The following RHOBTB1 variants were observed in gnomAD, a reference collection of about 807,000 sequenced individuals.
RHOBTB1 encodes the protein rho-related BTB domain-containing protein 1.
A neutral mutation model predicts 71.6 loss-of-function variants in RHOBTB1; 40 were observed. The ratio of observed to expected loss-of-function variants is 0.56; its 90% CI spans 0.43 to 0.73. The LOEUF (loss-of-function observed/expected upper bound fraction) is 0.73. RHOBTB1 is among the 30% of genes least tolerant of loss of function. The pLI is 0.00. For synonymous variants in RHOBTB1, 319 were observed against 334.9 expected, an observed-to-expected ratio of 0.95 and a Z score of 0.52; for missense variants, 797 against 894.0, an observed-to-expected ratio of 0.89 and a Z score of 1.38.
intron 2 of RHOBTB1, among the ~76,000 whole-genome samples, chr10:60,969,716 AC>A (rs910599604): frequency 2.6e-5 from 4 of 152,066 alleles, no homozygotes; most frequent in African/African-American, 9.7e-5. Flanking sequence ...ATCATCTATG[AC>A]CTTTGAAGTC....
chr10:60,987,846 CT>C (rs1565199375), intron 1 of RHOBTB1, among the ~76,000 whole-genome samples: 1 of 151,742 alleles, frequency 6.6e-6, no homozygotes, highest in East Asian at 1.9e-4. Flanking sequence ...TCTCCACCCC[CT>C]AACCCCTGAC....
At chr10:60,901,233 C>T (rs530873725) in intron 4 of RHOBTB1, among the ~76,000 whole-genome samples, 8 of 152,292 alleles carry the variant, frequency 5.3e-5, no homozygotes, top group Admixed American at 2.6e-4. Context: ...TCTCTCTAGG[C>T]TGAGGGCAGA....
At chr10:60,879,886 T>C (rs1013760150) in intron 7 of RHOBTB1, among the ~76,000 whole-genome samples, 6 of 152,062 alleles carry the variant, frequency 3.9e-5, no homozygotes, top group African/African-American at 1.4e-4. Context: ...TTCAACCAAC[T>C]GTAGATCAAA....
At chr10:60,946,629 T>G (rs1379634878), upstream of RHOBTB1, among the ~76,000 whole-genome samples, 1 of 152,242 alleles carries the variant, frequency 6.6e-6, no homozygotes, top group African/African-American at 2.4e-5. Flanking sequence ...GACCTGCTTT[T>G]TAACAGCCTG....
upstream of RHOBTB1, among the ~76,000 whole-genome samples, chr10:60,947,516 TAG>T (rs1331438069): frequency 6.6e-6 from 1 of 152,198 alleles, no homozygotes; most frequent in Non-Finnish European, 1.5e-5. Flanking sequence ...TCTCCATCTC[TAG>T]AGTTTTTTTA....
chr10:60,955,044 T>TTTTC (rs1554853417), intron 2 of RHOBTB1, among the ~76,000 whole-genome samples: 4 of 34,944 alleles, frequency 1.1e-4, no homozygotes, highest in Middle Eastern at 0.014. Flanking sequence ...TCTTTCTTTC[T>TTTTC]TTTTTTTTTT....
intron 10 of RHOBTB1, 89 bp from the exon 11 acceptor site, chr10:60,871,740 C>G: frequency 2.3e-6 from 3 of 1,279,122 alleles, no homozygotes; most frequent in Non-Finnish European, 2.2e-6. Flanking sequence ...TCTCAAATAT[C>G]CTCTCAAAAA....
intron 2 of RHOBTB1, among the ~76,000 whole-genome samples, chr10:60,931,271 C>A (rs767864173): frequency 1.3e-5 from 2 of 152,142 alleles, no homozygotes; most frequent in Non-Finnish European, 2.9e-5. Context: ...ACCATTCCTG[C>A]GATCTAATTC....
At chr10:60,947,010 C>T (rs377470699), upstream of RHOBTB1, among the ~76,000 whole-genome samples, 18 of 152,150 alleles carry the variant, frequency 1.2e-4, no homozygotes, top group South Asian at 2.1e-4. Flanking sequence ...CAGAGAAAGA[C>T]GTTGCCACAT....
At chr10:60,937,115 G>A (rs1324575661) in intron 2 of RHOBTB1, among the ~76,000 whole-genome samples, 3 of 152,170 alleles carry the variant, frequency 2.0e-5, no homozygotes, top group Non-Finnish European at 2.9e-5. Context: ...GCTTTCTTCC[G>A]CGTATGTGAT....
At chr10:60,861,379 A>C in the RHOBTB1 span, among the ~76,000 whole-genome samples, 4 of 152,178 alleles carry the variant, frequency 2.6e-5, no homozygotes, top group Admixed American at 6.5e-5. Flanking sequence ...TGGGAAGGGG[A>C]AACTGACAGC....
At chr10:60,899,065 A>G (rs532036558) in intron 4 of RHOBTB1, among the ~76,000 whole-genome samples, 88 of 152,352 alleles carry the variant, frequency 5.8e-4, no homozygotes, top group Middle Eastern at 6.8e-3. Flanking sequence ...GTTGTGGGTT[A>G]TCATCCAATG....
chr10:60,987,622 T>C (rs754910610), intron 1 of RHOBTB1, among the ~76,000 whole-genome samples: 3 of 152,154 alleles, frequency 2.0e-5, no homozygotes, highest in Non-Finnish European at 1.5e-5. Context: ...CTGCTTCCAA[T>C]CTCCCATCAT....
rs541575359 is a variant in RHOBTB1 at position 60,995,729 on chromosome 10, T to G, written c.-163+5670A>C. Among the ~76,000 whole-genome samples, 8 of 152,334 alleles carry G rather than the reference T, an allele frequency of 5.3e-5. No individual in the cohort carries two copies. The South Asian group carries it at 1.7e-3, about 32-fold the overall frequency. Reference sequence around the variant, plus strand: ...AAGTACACACAGCATTTTGCTCACTTGTTTCTGCCCTTATTGTTTTTTGTT... The same window carrying G: ...AAGTACACACAGCATTTTGCTCACTGGTTTCTGCCCTTATTGTTTTTTGTT... On this transcript the variant is annotated intron_variant, in intron 1 of 11. Transcript: ENST00000357917.
chr10:60,888,953 G>A lies in RHOBTB1; in HGVS notation c.715C>T (p.Pro239Ser). 1.5e-5 allele frequency: 25 copies of A among 1,614,138 alleles called. No homozygotes were observed. The highest frequency in any genetic ancestry group is 2.1e-5 in the Non-Finnish European group (25 of 1,180,020). ...LQAPFLPPKA[P>S]PPVIKIPECP... ...TCTGGAATTTTGATGACCGGTGGAG[G>A]GGCTTTTGGAGGTAGGAAGGGTGCC... The change falls in exon 6 of 11, where the codon CCT (proline) becomes TCT (serine). Residue 239 changes from proline (P) to serine (S), a missense_variant. By Grantham distance (74) the Pro-to-Ser change is moderately conservative. This residue lies in a region of RHOBTB1 where 658 missense variants were observed against 681.5 expected (regional missense o/e 0.97). Transcript: ENST00000337910.
intron 6 of RHOBTB1, 98 bp downstream of exon 6, chr10:60,888,114 A>G: frequency 7.4e-7 from 1 of 1,343,302 alleles, no homozygotes; most frequent in East Asian, 2.4e-5. Flanking sequence ...GTACGTATAA[A>G]TGTTAGCTAT....
downstream of RHOBTB1, among the ~76,000 whole-genome samples, chr10:60,869,027 A>G (rs2080660893): frequency 6.6e-6 from 1 of 152,184 alleles, no homozygotes; most frequent in Non-Finnish European, 1.5e-5. Flanking sequence ...TTGTCCAGAT[A>G]TTTTCACAAA....
At position 60,925,132 on chromosome 10, in the gene RHOBTB1, C is replaced by G. The variant is rs1322194073; in HGVS notation, c.-10-13580G>C. On this transcript the variant is annotated intron_variant, in intron 2 of 10. Transcript: ENST00000337910. ...TATTGCTCCTCCTCTGGCCATGTGA[C>G]ATTCCTGCTCTCCTCTTACCTTCCA... Among the ~76,000 whole-genome samples the G allele has an allele frequency of 1.3e-5, 2 of 152,186 alleles. 1 individual carries two copies. The highest frequency in any genetic ancestry group is 2.9e-5 in the Non-Finnish European group (2 of 68,028).
At chr10:60,930,820 C>T (rs116099863) in intron 2 of RHOBTB1, among the ~76,000 whole-genome samples, 89 of 152,246 alleles carry the variant, frequency 5.8e-4, no homozygotes, top group African/African-American at 2.0e-3. Context: ...TTCATCCCTT[C>T]TTACAGGGCT....
Sources: gnomAD v4.1 joint callset for allele counts (sites outside exome capture counted in the v4.1 genomes callset) on GRCh38, gnomAD v4.1.1 for gene constraint, gnomAD v4.1.1 regional missense constraint, MANE v1.5 for transcripts, NCBI Gene and HGNC (gene_info 2026-07-23, HGNC 2026-07-21) for gene names.